The following NUBPL variants were observed in gnomAD, a reference collection of about 807,000 sequenced individuals.
The protein encoded by NUBPL is NUBP iron-sulfur cluster assembly factor, mitochondrial.
NUBPL carries 31 observed loss-of-function variants against 45.7 expected under a neutral mutation model. The observed-to-expected ratio is 0.68, with a 90% CI of 0.51 to 0.92. NUBPL has a LOEUF of 0.92. Among genes scored for constraint, NUBPL ranks in the 40% least tolerant of loss-of-function variants. NUBPL has a pLI of 0.00. For synonymous variants in NUBPL, 144 were observed against 140.9 expected, an observed-to-expected ratio of 1.02 and a Z score of -0.15; for missense variants, 401 against 398.7, an observed-to-expected ratio of 1.01 and a Z score of -0.05.
intron 8 of NUBPL, among the ~76,000 whole-genome samples, chr14:31,832,770 T>C (rs891784886): frequency 6.6e-6 from 1 of 152,186 alleles, no homozygotes; most frequent in African/African-American, 2.4e-5. Flanking sequence ...GGAGTTTGAA[T>C]TGTAGATCCC....
chr14:31,759,117 A>G (rs2038741167), intron 6 of NUBPL, among the ~76,000 whole-genome samples: 1 of 152,162 alleles, frequency 6.6e-6, no homozygotes, highest in African/African-American at 2.4e-5. Flanking sequence ...CCAAAGTGCT[A>G]TAGATCTAGA....
chr14:31,706,775 G>C (rs1339807009), intron 6 of NUBPL, among the ~76,000 whole-genome samples: 1 of 152,224 alleles, frequency 6.6e-6, no homozygotes, highest in Non-Finnish European at 1.5e-5. Context: ...AATCCTTTGA[G>C]AGTGTGTGGC....
chr14:31,625,916 A>G (rs929850636), intron 4 of NUBPL, among the ~76,000 whole-genome samples: 25 of 152,166 alleles, frequency 1.6e-4, no homozygotes, highest in African/African-American at 6.0e-4. Flanking sequence ...AGTCCTGTCA[A>G]CCCTGTACCC....
intron 10 of NUBPL, among the ~76,000 whole-genome samples, chr14:31,857,271 A>G (rs2040637724): frequency 6.6e-6 from 1 of 152,284 alleles, no homozygotes; most frequent in East Asian, 1.9e-4. Context: ...GCTGAGGAGC[A>G]GGGCACCAAG....
At chr14:31,701,358 C>A (rs2037333988) in intron 6 of NUBPL, among the ~76,000 whole-genome samples, 1 of 152,142 alleles carries the variant, frequency 6.6e-6, no homozygotes, top group South Asian at 2.1e-4. Flanking sequence ...CCAGTCAGCA[C>A]CCTGTCAAAA....
At chr14:31,730,750 G>A (rs928500765) in intron 6 of NUBPL, among the ~76,000 whole-genome samples, 15 of 152,144 alleles carry the variant, frequency 9.9e-5, no homozygotes, top group African/African-American at 3.1e-4. Context: ...ACAGGCACCT[G>A]GCCTGGATCA....
At chr14:31,589,729 C>A (rs2034094396) in intron 3 of NUBPL, among the ~76,000 whole-genome samples, 1 of 152,092 alleles carries the variant, frequency 6.6e-6, no homozygotes, top group Non-Finnish European at 1.5e-5. Context: ...CACCAAACTG[C>A]TCCCCCGTCC....
intron 3 of NUBPL, among the ~76,000 whole-genome samples, chr14:31,595,754 C>T (rs982268535): frequency 3.9e-5 from 6 of 152,064 alleles, no homozygotes; most frequent in Non-Finnish European, 7.4e-5. Flanking sequence ...TTATTTGGCA[C>T]CTTTTGAACA....
At chr14:31,590,147 T>A (rs2034104404) in intron 3 of NUBPL, among the ~76,000 whole-genome samples, 1 of 151,938 alleles carries the variant, frequency 6.6e-6, no homozygotes, top group Non-Finnish European at 1.5e-5. Flanking sequence ...AGAGCAATCC[T>A]TTTTTTTGAG....
chr14:31,652,785 A>G (rs1284538167), intron 4 of NUBPL, among the ~76,000 whole-genome samples: 1 of 152,170 alleles, frequency 6.6e-6, no homozygotes, highest in Non-Finnish European at 1.5e-5. Context: ...AATTTCCTTC[A>G]TAGCACTAGT....
At chr14:31,680,064 T>C (rs1004169769) in intron 6 of NUBPL, among the ~76,000 whole-genome samples, 1 of 152,192 alleles carries the variant, frequency 6.6e-6, no homozygotes, top group African/African-American at 2.4e-5. Context: ...AAACATATAC[T>C]ACTGATTTTT....
intron 7 of NUBPL, among the ~76,000 whole-genome samples, chr14:31,820,365 A>G (rs1002421562): frequency 6.6e-6 from 1 of 152,152 alleles, no homozygotes; most frequent in Admixed American, 6.5e-5. Flanking sequence ...AAAGGGTGAA[A>G]ACTCTAGACT....
rs2040380819 is a variant in NUBPL at position 31,841,935 on chromosome 14, T to TTG, written c.694-4535_694-4534insGT. ...TTCTGGGCTTTTTTTTTTTTTTTTT[T>TTG]TTTTTTTTTTTTTGAGACGGGGTCT... On this transcript the variant is annotated intron_variant, in intron 8 of 10. Transcript: ENST00000281081. 4.8e-5 allele frequency among the ~76,000 whole-genome samples: 6 copies of TTG among 126,164 alleles called. No homozygotes were observed. The South Asian group carries it at 1.4e-3, about 29-fold the overall frequency. 82.8% of individuals were successfully genotyped at this position (126,164 alleles called of 152,430 possible).
At chr14:31,789,059 G>T (rs777654345) in intron 7 of NUBPL, among the ~76,000 whole-genome samples, 2 of 152,196 alleles carry the variant, frequency 1.3e-5, no homozygotes, top group Non-Finnish European at 2.9e-5. Flanking sequence ...GAGTGCAGTG[G>T]CTCACGCCTG....
At chr14:31,729,539 A>T (rs1376751724) in intron 6 of NUBPL, among the ~76,000 whole-genome samples, 1 of 152,164 alleles carries the variant, frequency 6.6e-6, no homozygotes, top group African/African-American at 2.4e-5. Flanking sequence ...GAATGTCAAG[A>T]TTAAAACATA....
chr14:31,628,984 C>T (rs1316187749), intron 4 of NUBPL, among the ~76,000 whole-genome samples: 9 of 152,100 alleles, frequency 5.9e-5, no homozygotes, highest in Non-Finnish European at 7.4e-5. Flanking sequence ...AGCAGTTTTA[C>T]CTACCATTGC....
rs2036169092 is a variant in NUBPL at position 31,657,509 on chromosome 14, CTATT to C, written c.383-15840_383-15837del. Among the ~76,000 whole-genome samples, 4 of 152,264 alleles carry C rather than the reference CTATT, an allele frequency of 2.6e-5. No individual in the cohort carries two copies. The South Asian group carries it at 8.3e-4, about 32-fold the overall frequency. On this transcript the variant is annotated intron_variant, in intron 4 of 10. Transcript: ENST00000281081. ...CAGTGTCTTGTCTTTGGCTGTACCT[CTATT>C]TATTTTCTATTTTTGTCCTTCATTG...
At chr14:31,652,587 G>A (rs906501064) in intron 4 of NUBPL, among the ~76,000 whole-genome samples, 10 of 152,008 alleles carry the variant, frequency 6.6e-5, no homozygotes, top group African/African-American at 2.4e-4. Context: ...AAAAAATAAA[G>A]TTGCTTTTTC....
At chr14:31,704,571 G>T (rs561478469) in intron 6 of NUBPL, among the ~76,000 whole-genome samples, 1 of 152,136 alleles carries the variant, frequency 6.6e-6, no homozygotes, top group South Asian at 2.1e-4. Context: ...GCTGAGACAG[G>T]AGAATCGCTT....
Sources: allele counts gnomAD v4.1 joint callset (sites outside exome capture counted in the v4.1 genomes callset), GRCh38; gene constraint gnomAD v4.1.1; transcripts MANE v1.5; gene names NCBI Gene and HGNC (gene_info 2026-07-23, HGNC 2026-07-21).